NME8: variants seen among roughly 807,000 people sequenced by gnomAD.
NME8 encodes the protein NME/NM23 family member 8, also known as protein NME8.
Under a neutral mutation model 82.3 loss-of-function variants are expected in NME8, and 72 were observed. The ratio of observed to expected loss-of-function variants is 0.87; its 90% CI spans 0.72 to 1.06. The LOEUF (loss-of-function observed/expected upper bound fraction) is 1.06, where lower values mean the gene tolerates loss of function less well. NME8 is among the 50% of genes least tolerant of loss of function. NME8 has a pLI of 0.00. For synonymous variants in NME8, 267 were observed against 228.5 expected, an observed-to-expected ratio of 1.17 and a Z score of -1.52; for missense variants, 712 against 685.4, an observed-to-expected ratio of 1.04 and a Z score of -0.43.
At chr7:37,856,508 A>G (rs899730955) in intron 5 of NME8, among the ~76,000 whole-genome samples, 1 of 152,134 alleles carries the variant, frequency 6.6e-6, no homozygotes, top group Non-Finnish European at 1.5e-5. Context: ...TTGCAGCCCA[A>G]ACTGACTAAG....
At chr7:37,856,342 C>T (rs1381789200) in intron 5 of NME8, among the ~76,000 whole-genome samples, 1 of 152,164 alleles carries the variant, frequency 6.6e-6, no homozygotes, top group Non-Finnish European at 1.5e-5. Context: ...AAGGAAGAGA[C>T]ATATGATTTC....
chr7:37,850,758 A>G, intron 5 of NME8, 23 bp downstream of exon 5: 2 of 1,466,074 alleles, frequency 1.4e-6, no homozygotes, highest in African/African-American at 1.4e-5. Flanking sequence ...TTTTCATTAA[A>G]CCACTGTTTT....
At chr7:37,876,233 GATAGATAGAT>G in intron 11 of NME8, among the ~76,000 whole-genome samples, 1 of 61,970 alleles carries the variant, frequency 1.6e-5, no homozygotes, top group South Asian at 6.7e-4. Context: ...TATATATATA[GATAGATAGAT>G]AGATAGATAG....
Position 37,876,991 on chromosome 7 carries a change from C to T in NME8, c.978C>T (p.Leu326=). 6.2e-7 allele frequency: 1 copy of T among 1,612,904 alleles called. No homozygotes were observed. The highest frequency in any genetic ancestry group is 2.2e-5 in the East Asian group (1 of 44,706). Residue 326 remains leucine (L), a synonymous_variant, in exon 12 of 18, where the codon CTC becomes CTT. Coordinates refer to ENST00000199447, the MANE Select transcript of NME8 (RefSeq NM_016616.5). The part of the protein sequence containing the change: ...EKTLALLRPN[L]FHERKDDVLR... ...CATTGGCATTACTTCGACCAAATCT[C>T]TTTCATGAAAGGAAAGGTAGGGAAT...
Position 37,900,228 on chromosome 7 carries a change from T to G in NME8, c.*16-16T>G, listed in dbSNP as rs1022661372. On this transcript the variant is annotated splice_polypyrimidine_tract_variant and intron_variant, in intron 17 of 17. Coordinates refer to ENST00000199447, the MANE Select transcript of NME8 (RefSeq NM_016616.5). The stretch of plus-strand genomic sequence containing the variant: ...ACTGTCATTTATTTTATTAAGTGCA[T>G]TCTTTCTTTTCCTAGAACTTTGAGA... 1.3e-5 allele frequency: 2 copies of G among 152,344 alleles called. No individual in the cohort carries two copies. Among genetic ancestry groups the G allele is most frequent in the South Asian group, 2.1e-4 (1 of 4,834 alleles). The allele number at this position is 152,344 out of a possible 1,614,324, so 9.4% of individuals were successfully genotyped here.
rs143526085 is a variant in NME8 at position 37,890,505 on chromosome 7, A to G, written c.1399+2077A>G. ...AATATACAATGCGATATTATTAACT[A>G]TAGTTACCCTACTATGCATTAGAAC... is the stretch of plus-strand genomic sequence containing the variant. On this transcript the variant is annotated intron_variant, in intron 15 of 17. Coordinates refer to ENST00000199447, the MANE Select transcript of NME8 (RefSeq NM_016616.5). Among the ~76,000 whole-genome samples, 211 of 152,024 alleles carry G rather than the reference A, an allele frequency of 1.4e-3. 1 individual carries two copies. The highest frequency in any genetic ancestry group is 4.9e-3 in the African/African-American group (205 of 41,526).
At chr7:37,895,716 G>A (rs1483023673) in intron 16 of NME8, among the ~76,000 whole-genome samples, 3 of 152,030 alleles carry the variant, frequency 2.0e-5, no homozygotes, top group African/African-American at 4.8e-5. Context: ...TTATCATGGA[G>A]CTGAAAAATT....
intron 13 of NME8, among the ~76,000 whole-genome samples, chr7:37,884,933 C>A (rs1254248226): frequency 6.6e-6 from 1 of 152,208 alleles, no homozygotes; most frequent in East Asian, 1.9e-4. Flanking sequence ...AATCATGGCA[C>A]TCCCCTTCCC....
intron 7 of NME8, 78 bp downstream of exon 7, chr7:37,862,222 C>CATT: frequency 2.2e-6 from 2 of 903,920 alleles, no homozygotes; most frequent in Non-Finnish European, 3.7e-6. Flanking sequence ...ACTACTGGTG[C>CATT]TAGGTACCTC....
intron 5 of NME8, among the ~76,000 whole-genome samples, chr7:37,856,675 A>G (rs1784517409): frequency 6.6e-6 from 1 of 152,212 alleles, no homozygotes; most frequent in African/African-American, 2.4e-5. Flanking sequence ...TATTAAGAAA[A>G]TTACAGACAT....
chr7:37,858,930 C>A (rs1428883652), intron 6 of NME8, among the ~76,000 whole-genome samples: 1 of 152,032 alleles, frequency 6.6e-6, no homozygotes, highest in Admixed American at 6.6e-5. Flanking sequence ...CATGCAGGAG[C>A]TAGTTACTTA....
intron 2 of NME8, among the ~76,000 whole-genome samples, chr7:37,849,868 T>TAAAAAAAA (rs1562826444): frequency 9.0e-6 from 1 of 111,582 alleles, no homozygotes; most frequent in Non-Finnish European, 1.7e-5. Context: ...AGACTATGTC[T>TAAAAAAAA]CAAAAAAAAA....
intron 10 of NME8, among the ~76,000 whole-genome samples, chr7:37,867,476 A>C (rs1322486665): frequency 6.6e-6 from 1 of 152,140 alleles, no homozygotes; most frequent in South Asian, 2.1e-4. Context: ...TTATTGAAAC[A>C]TCACTATGTC....
chr7:37,867,801 G>T lies in NME8; in HGVS notation c.721G>T (p.Glu241Ter), dbSNP rs778607368. 1.1e-5 allele frequency: 18 copies of T among 1,613,698 alleles called. No individual in the cohort carries two copies. The highest frequency in any genetic ancestry group is 1.7e-5 in the Admixed American group (1 of 59,980). The part of the protein sequence containing the change: ...SKHNPPSEET[E>*]PQTDTEPNER... ...ACACAATCCTCCCTCTGAAGAAACC[G>T]AACCACAGACTGACACCGAACCTAA... The change falls in exon 11 of 18, where the codon GAA becomes TAA. Residue 241 changes from glutamate to a stop codon, truncating the protein, a stop_gained. Transcript: ENST00000199447. LOFTEE classifies it high-confidence loss of function.
At chr7:37,893,161 A>C (rs1021346270) in intron 15 of NME8, among the ~76,000 whole-genome samples, 2 of 152,016 alleles carry the variant, frequency 1.3e-5, no homozygotes, top group Admixed American at 6.6e-5. Context: ...CTTGAACGTT[A>C]ACCTGAGCCA....
chr7:37,897,332 G>T (rs1785245088), intron 17 of NME8, among the ~76,000 whole-genome samples: 1 of 152,088 alleles, frequency 6.6e-6, no homozygotes, highest in Non-Finnish European at 1.5e-5. Flanking sequence ...CCAGGCTGGG[G>T]ATGCTGCATC....
chr7:37,875,650 G>C lies in NME8; in HGVS notation c.819-1182G>C, dbSNP rs1784836835. Among the ~76,000 whole-genome samples the C allele has an allele frequency of 2.0e-5, 3 of 151,542 alleles. No individual in the cohort carries two copies. The South Asian group carries it at 6.3e-4, about 32-fold the overall frequency. On this transcript the variant is annotated intron_variant, in intron 11 of 17. Coordinates refer to ENST00000199447, the MANE Select transcript of NME8 (RefSeq NM_016616.5). ...AGAAAAAAAAAAGATGAAAATAAAG[G>C]GATGGCCAAAAAATAGCCAGGAAAA...
intron 11 of NME8, among the ~76,000 whole-genome samples, chr7:37,874,833 A>G (rs1784821345): frequency 1.3e-5 from 2 of 152,214 alleles, no homozygotes; most frequent in Admixed American, 1.3e-4. Flanking sequence ...TGAAAAATAT[A>G]TACACAGTTT....
chr7:37,894,503 T>C lies in NME8; in HGVS notation c.1437T>C (p.Asp479=). 2 of 1,613,208 alleles carry C rather than the reference T, an allele frequency of 1.2e-6. No individual in the cohort carries two copies. Among genetic ancestry groups the C allele is most frequent in the Non-Finnish European group, 1.7e-6 (2 of 1,179,410 alleles). The change falls in exon 16 of 18, where the codon GAT becomes GAC. Residue 479 remains aspartate, a synonymous_variant. Transcript: ENST00000199447. Reference sequence around the variant, plus strand: ...AGATAGTTAAGGAGGCTGGATTTGATCTGACACAGGTGAAGAAAATGTTCC... The same window carrying C: ...AGATAGTTAAGGAGGCTGGATTTGACCTGACACAGGTGAAGAAAATGTTCC... The part of the protein sequence containing the change: ...ILKIVKEAGF[D]LTQVKKMFLT...
Sources: allele counts gnomAD v4.1 joint callset (sites outside exome capture counted in the v4.1 genomes callset), GRCh38; gene constraint gnomAD v4.1.1; transcripts MANE v1.5; gene names NCBI Gene and HGNC (gene_info 2026-07-23, HGNC 2026-07-21).